AGBL3: variants seen among roughly 807,000 people sequenced by gnomAD.
The protein encoded by AGBL3 is cytosolic carboxypeptidase 3.
In AGBL3, 68 loss-of-function variants were observed where a neutral mutation model predicts 94.5. That is an observed-to-expected ratio of 0.72 (90% CI 0.59 to 0.88). AGBL3 has a LOEUF of 0.88. Ranked by LOEUF, AGBL3 falls within the 40% of genes least tolerant of loss-of-function variation. The probability of loss-of-function intolerance (pLI) is 0.00; values close to 1 mark genes in which losing one functional copy is unlikely to be tolerated. For synonymous variants in AGBL3, 354 were observed against 370.7 expected (o/e 0.95, Z 0.52); for missense variants, 934 against 1,103.8 (o/e 0.85, Z 2.18).
intron 4 of AGBL3, among the ~76,000 whole-genome samples, chr7:135,003,399 AC>A (rs1811970407): frequency 6.6e-6 from 1 of 152,016 alleles, no homozygotes; most frequent in Admixed American, 6.6e-5. Context: ...TGTGTGATAA[AC>A]TTAGTTCCTT....
At chr7:134,992,380 T>G (rs753427122) in intron 3 of AGBL3, among the ~76,000 whole-genome samples, 4 of 152,242 alleles carry the variant, frequency 2.6e-5, no homozygotes, top group South Asian at 2.1e-4. Context: ...ATAGCATTCT[T>G]ACTCCCACTT....
intron 15 of AGBL3, among the ~76,000 whole-genome samples, chr7:135,112,813 T>C (rs967693479): frequency 1.3e-5 from 2 of 152,216 alleles, no homozygotes; most frequent in African/African-American, 4.8e-5. Context: ...TTGATTGCTC[T>C]GTCACACAGG....
At chr7:135,095,417 C>T (rs576711705) in intron 15 of AGBL3, among the ~76,000 whole-genome samples, 1 of 152,116 alleles carries the variant, frequency 6.6e-6, no homozygotes, top group Non-Finnish European at 1.5e-5. Flanking sequence ...ACAGGAGAGA[C>T]AAAAACAAAT....
intron 5 of AGBL3, among the ~76,000 whole-genome samples, chr7:135,023,962 C>T (rs993368676): frequency 6.6e-6 from 1 of 152,208 alleles, no homozygotes; most frequent in African/African-American, 2.4e-5. Context: ...TACAATGTCC[C>T]AGGGCTTTGG....
intron 15 of AGBL3, among the ~76,000 whole-genome samples, chr7:135,087,992 G>T (rs1821464041): frequency 6.6e-6 from 1 of 151,950 alleles, no homozygotes; most frequent in Non-Finnish European, 1.5e-5. Context: ...TTATGTTTCT[G>T]GGTGCTCCAG....
intron 16 of AGBL3, among the ~76,000 whole-genome samples, chr7:135,121,729 T>G (rs1827161746): frequency 6.6e-6 from 1 of 152,054 alleles, no homozygotes; most frequent in African/African-American, 2.4e-5. Flanking sequence ...TCATCAGAAC[T>G]GACTAGGAGG....
At chr7:135,075,445 G>A (rs888614414) in intron 12 of AGBL3, among the ~76,000 whole-genome samples, 2 of 152,024 alleles carry the variant, frequency 1.3e-5, no homozygotes, top group Admixed American at 6.6e-5. Flanking sequence ...GCAGTATTCC[G>A]TGATATGGAT....
intron 15 of AGBL3, among the ~76,000 whole-genome samples, chr7:135,095,494 G>A (rs1822531319): frequency 6.6e-6 from 1 of 152,150 alleles, no homozygotes. Flanking sequence ...CCAATTCCTT[G>A]TCAGATTAAT....
chr7:135,007,247 A>C (rs1346413984), intron 4 of AGBL3, among the ~76,000 whole-genome samples: 2 of 151,940 alleles, frequency 1.3e-5, no homozygotes, highest in Admixed American at 1.3e-4. Context: ...CAAGAAAACT[A>C]CAGGCTAATA....
chr7:135,036,019 T>C (rs1369880704), intron 7 of AGBL3, among the ~76,000 whole-genome samples: 2 of 152,126 alleles, frequency 1.3e-5, no homozygotes, highest in African/African-American at 4.8e-5. Context: ...AATTTCACTG[T>C]AGTTTAAAGC....
intron 16 of AGBL3, among the ~76,000 whole-genome samples, chr7:135,121,234 G>A (rs1417055548): frequency 1.3e-5 from 2 of 151,992 alleles, no homozygotes; most frequent in African/African-American, 2.4e-5. Context: ...ACACAGAACT[G>A]CAAAATATGT....
chr7:135,105,871 G>A (rs554305644), intron 15 of AGBL3, among the ~76,000 whole-genome samples: 8 of 152,256 alleles, frequency 5.3e-5, no homozygotes, highest in African/African-American at 1.9e-4. Context: ...TGACCCATGA[G>A]CATGGAATGT....
At chr7:135,096,742 T>TGAAATAAA (rs1822901521) in intron 15 of AGBL3, among the ~76,000 whole-genome samples, 1 of 101,068 alleles carries the variant, frequency 9.9e-6, no homozygotes, top group Non-Finnish European at 2.0e-5. Context: ...AGAGAAAGAA[T>TGAAATAAA]GAAAGAAAGA....
chr7:135,121,086 T>C (rs1827067405), intron 16 of AGBL3, among the ~76,000 whole-genome samples: 1 of 152,102 alleles, frequency 6.6e-6, no homozygotes, highest in Admixed American at 6.5e-5. Flanking sequence ...ATACCTGTAA[T>C]CCCAGCTACT....
intron 15 of AGBL3, among the ~76,000 whole-genome samples, chr7:135,082,144 T>TG (rs1208566266): frequency 6.6e-6 from 1 of 152,198 alleles, no homozygotes; most frequent in African/African-American, 2.4e-5. Flanking sequence ...GCTGTAGCAT[T>TG]GAAAAAGTTT....
intron 15 of AGBL3, among the ~76,000 whole-genome samples, chr7:135,096,126 T>A (rs2116959900): frequency 6.7e-6 from 1 of 148,752 alleles, no homozygotes; most frequent in East Asian, 1.9e-4. Flanking sequence ...CACTCCAGGC[T>A]GGGTGACAGA....
chr7:135,064,108 T>A (rs1819072242), intron 12 of AGBL3, among the ~76,000 whole-genome samples: 1 of 152,214 alleles, frequency 6.6e-6, no homozygotes, highest in African/African-American at 2.4e-5. Flanking sequence ...TTAAGACATA[T>A]GTCCAAATTC....
chr7:135,063,802 T>C lies in AGBL3; in HGVS notation c.1908+4567T>C, dbSNP rs6949824. On this transcript the variant is annotated intron_variant, in intron 12 of 16. Coordinates refer to ENST00000436302, the MANE Select transcript of AGBL3 (RefSeq NM_178563.4). ...TACTTCTGCATATCAATTTCTGTAG[T>C]TTTCAGATTTTAATGCATAACACCC... Among the ~76,000 whole-genome samples the C allele has an allele frequency of 9.9e-3, 1,501 of 152,306 alleles. 20 individuals are homozygous for C. Among genetic ancestry groups the C allele is most frequent in the African/African-American group, 0.034 (1,416 of 41,556 alleles).
intron 15 of AGBL3, among the ~76,000 whole-genome samples, chr7:135,090,897 T>C (rs1319192694): frequency 2.6e-5 from 4 of 152,116 alleles, no homozygotes; most frequent in Non-Finnish European, 5.9e-5. Flanking sequence ...CTATAGCTAC[T>C]CACCCCTGGT....
Sources: allele counts gnomAD v4.1 joint callset (sites outside exome capture counted in the v4.1 genomes callset), GRCh38; gene constraint gnomAD v4.1.1; transcripts MANE v1.5; gene names NCBI Gene and HGNC (gene_info 2026-07-23, HGNC 2026-07-21).